NPAS3: variants seen among roughly 807,000 people sequenced by gnomAD.
NPAS3 encodes neuronal PAS domain protein 3, also known as neuronal PAS domain-containing protein 3.
Under a neutral mutation model 73.1 loss-of-function variants are expected in NPAS3, and 14 were observed. That is an observed-to-expected ratio of 0.19 (90% CI 0.13 to 0.30). The LOEUF is 0.30. NPAS3 is among the 10% of genes least tolerant of loss of function. NPAS3 has a pLI of 1.00. For synonymous variants in NPAS3, 620 were observed against 541.5 expected (o/e 1.14, Z -2.01); for missense variants, 1,096 against 1,250.0 (o/e 0.88, Z 1.86).
At chr14:33,358,103 A>G (rs774130883) in intron 3 of NPAS3, among the ~76,000 whole-genome samples, 1 of 152,206 alleles carries the variant, frequency 6.6e-6, no homozygotes, top group Non-Finnish European at 1.5e-5. Context: ...AAGTGACTGG[A>G]ATCACAGCAG....
intron 5 of NPAS3, among the ~76,000 whole-genome samples, chr14:33,663,424 T>C (rs1438712795): frequency 6.6e-6 from 1 of 152,220 alleles, no homozygotes; most frequent in East Asian, 1.9e-4. Context: ...GCCAACTTGA[T>C]CTTGGTGGAT....
chr14:33,336,958 G>T (rs1213641661), intron 3 of NPAS3, among the ~76,000 whole-genome samples: 1 of 152,048 alleles, frequency 6.6e-6, no homozygotes, highest in African/African-American at 2.4e-5. Context: ...ATTACCAAAG[G>T]CCTGTATATA....
intron 4 of NPAS3, among the ~76,000 whole-genome samples, chr14:33,485,010 C>T (rs1413889173): frequency 6.6e-6 from 1 of 152,120 alleles, no homozygotes; most frequent in African/African-American, 2.4e-5. Context: ...GATGGAACTT[C>T]CTGCTTTTGG....
chr14:33,517,258 G>A (rs944257921), intron 4 of NPAS3, among the ~76,000 whole-genome samples: 1 of 151,948 alleles, frequency 6.6e-6, no homozygotes, highest in Admixed American at 6.6e-5. Flanking sequence ...CCTAAAGCAC[G>A]GGTCATCAAC....
chr14:33,434,424 G>T (rs902060280), intron 4 of NPAS3, among the ~76,000 whole-genome samples: 1 of 151,826 alleles, frequency 6.6e-6, no homozygotes, highest in African/African-American at 2.4e-5. Context: ...CTGCTTGGGA[G>T]GCTGAGGTGG....
chr14:32,982,348 C>T lies in NPAS3; in HGVS notation c.50+42982C>T, dbSNP rs1335298666. Among the ~76,000 whole-genome samples the T allele has an allele frequency of 9.9e-5, 15 of 152,264 alleles. 2 individuals carry two copies. In the South Asian group the frequency reaches 3.1e-3, roughly 32 times the overall value. On this transcript the variant is annotated intron_variant, in intron 1 of 11. Transcript: ENST00000356141. ...ACTGTTGTACTGGGGATTAAGTTTC[C>T]AACACATGCATTTTGTGAAACATGT...
At chr14:33,002,358 A>G (rs915546540) in intron 1 of NPAS3, among the ~76,000 whole-genome samples, 5 of 152,220 alleles carry the variant, frequency 3.3e-5, no homozygotes, top group Middle Eastern at 3.4e-3. Context: ...AGAGATTTGG[A>G]TAGGTGTTTT....
chr14:33,390,149 A>T (rs2046940308), intron 4 of NPAS3, among the ~76,000 whole-genome samples: 2 of 152,232 alleles, frequency 1.3e-5, no homozygotes, highest in South Asian at 4.1e-4. Context: ...CTTTAAGAAT[A>T]CAATTGCTTT....
intron 3 of NPAS3, among the ~76,000 whole-genome samples, chr14:33,271,854 G>T (rs2041101823): frequency 6.6e-6 from 1 of 151,974 alleles, no homozygotes; most frequent in African/African-American, 2.4e-5. Context: ...CCTTATTAAT[G>T]TAATCTGAAA....
rs1274429371 is a variant in NPAS3, at chr14:33,316,006, AAAGTG to A, written c.386-51177_386-51173del. Among the ~76,000 whole-genome samples the A allele has an allele frequency of 5.9e-5, 9 of 152,090 alleles. No individual in the cohort carries two copies. The East Asian group carries it at 1.7e-3, about 29-fold the overall frequency. ...GTATGTGGAGCAACAGTGTCTCAAA[AAAGTG>A]AAAATTGTAACTTCCTTTTGCAGTT... On this transcript the variant is annotated intron_variant, in intron 3 of 11. Coordinates refer to ENST00000356141, the Ensembl canonical transcript of NPAS3.
chr14:33,167,970 C>T (rs906758294), intron 2 of NPAS3, among the ~76,000 whole-genome samples: 1 of 152,234 alleles, frequency 6.6e-6, no homozygotes, highest in Non-Finnish European at 1.5e-5. Context: ...CACACAGCTT[C>T]TGAATTTCTT....
At chr14:33,089,599 C>T (rs908725510) in intron 2 of NPAS3, among the ~76,000 whole-genome samples, 1 of 152,156 alleles carries the variant, frequency 6.6e-6, no homozygotes, top group Non-Finnish European at 1.5e-5. Flanking sequence ...AGGAGAACTT[C>T]CCCAACCTAG....
At chr14:33,671,645 C>T (rs1036401787) in intron 5 of NPAS3, among the ~76,000 whole-genome samples, 1 of 152,194 alleles carries the variant, frequency 6.6e-6, no homozygotes, top group South Asian at 2.1e-4. Context: ...CTATCTGCTG[C>T]CCCTGATGCA....
intron 4 of NPAS3, among the ~76,000 whole-genome samples, chr14:33,509,873 C>T (rs2052956525): frequency 6.6e-6 from 1 of 151,996 alleles, no homozygotes; most frequent in Non-Finnish European, 1.5e-5. Flanking sequence ...CTCTTTTGTG[C>T]CAAATTCAAC....
intron 1 of NPAS3, among the ~76,000 whole-genome samples, chr14:32,975,308 G>GTCCCTCCCTTCCTCCGTCACTCCCTT (rs1555313400): frequency 9.6e-6 from 1 of 103,996 alleles, no homozygotes; most frequent in Non-Finnish European, 2.1e-5. Flanking sequence ...CTCCCTCCCT[G>GTCCCTCCCTTCCTCCGTCACTCCCTT]CCTCCGTCAC....
chr14:33,317,435 G>A (rs35440176), intron 3 of NPAS3, among the ~76,000 whole-genome samples: 2,966 of 152,174 alleles, frequency 0.019, 28 homozygotes, highest in Non-Finnish European at 0.03. Context: ...GTGAATGGAA[G>A]GGCTAGAATG....
intron 3 of NPAS3, among the ~76,000 whole-genome samples, chr14:33,352,796 G>A (rs2045132748): frequency 6.6e-6 from 1 of 152,066 alleles, no homozygotes; most frequent in South Asian, 2.1e-4. Context: ...AGTATGAGAG[G>A]GGAATAAACT....
chr14:33,798,873 G>A (rs545157078), intron 11 of NPAS3, among the ~76,000 whole-genome samples: 1 of 151,216 alleles, frequency 6.6e-6, no homozygotes, highest in Non-Finnish European at 1.5e-5. Flanking sequence ...TGGCAGGGTG[G>A]CTCATGCCTG....
At chr14:33,780,560 A>G (rs1442523431) in intron 9 of NPAS3, 1 of 428,006 alleles carries the variant, frequency 2.3e-6, no homozygotes, top group Admixed American at 3.0e-5. Context: ...AAAAAAAAGA[A>G]CTTTGTCTTC....
Sources: allele counts gnomAD v4.1 joint callset (sites outside exome capture counted in the v4.1 genomes callset), GRCh38; gene constraint gnomAD v4.1.1; transcripts MANE v1.5; gene names NCBI Gene and HGNC (gene_info 2026-07-23, HGNC 2026-07-21).